Variants in CCNY observed in about 807,000 individuals in gnomAD.
The protein encoded by CCNY is cyclin-Y.
A neutral mutation model predicts 42.8 loss-of-function variants in CCNY; 19 were observed. The ratio of observed to expected loss-of-function variants is 0.44; its 90% confidence interval spans 0.31 to 0.65. The LOEUF is 0.65. CCNY is among the 30% of genes least tolerant of loss of function. CCNY has a pLI of 0.07. For missense variants in CCNY, 370 were observed against 437.3 expected (o/e 0.85, Z 1.37); for synonymous variants, 165 against 162.7 (o/e 1.01, Z -0.11).
intron 1 of CCNY, among the ~76,000 whole-genome samples, chr10:35,480,373 G>A (rs764826513): frequency 6.6e-6 from 1 of 152,106 alleles, no homozygotes; most frequent in Non-Finnish European, 1.5e-5. Context: ...TGGTCATTCC[G>A]CCTTTCCTCG....
intron 4 of CCNY, among the ~76,000 whole-genome samples, chr10:35,520,354 G>C (rs1840522565): frequency 6.6e-6 from 1 of 152,122 alleles, no homozygotes; most frequent in Non-Finnish European, 1.5e-5. Context: ...CCCTACTCCT[G>C]TCCAAAGAAA....
chr10:35,423,961 G>A (rs1230007547), intron 1 of CCNY, among the ~76,000 whole-genome samples: 1 of 152,150 alleles, frequency 6.6e-6, no homozygotes, highest in Non-Finnish European at 1.5e-5. Flanking sequence ...CTGAGGCTGG[G>A]GTTGGGAGAG....
chr10:35,316,611 T>A (rs1479350874), intron 3 of CCNY, among the ~76,000 whole-genome samples: 1 of 152,214 alleles, frequency 6.6e-6, no homozygotes, highest in Non-Finnish European at 1.5e-5. Flanking sequence ...TAATTTTAAC[T>A]GTTTATGTTT....
chr10:35,393,070 G>T (rs1837448635), intron 1 of CCNY, among the ~76,000 whole-genome samples: 1 of 152,026 alleles, frequency 6.6e-6, no homozygotes, highest in African/African-American at 2.4e-5. Context: ...CTGCGCATTG[G>T]TGCTAAGTCC....
intron 7 of CCNY, among the ~76,000 whole-genome samples, chr10:35,534,153 C>G (rs2135427747): frequency 6.6e-6 from 1 of 152,240 alleles, no homozygotes; most frequent in Middle Eastern, 3.4e-3. Context: ...TTCTGAGTAG[C>G]TGGGATTACA....
intron 4 of CCNY, 111 bp from the exon 5 acceptor site, chr10:35,525,853 T>TTAA: frequency 1.1e-6 from 1 of 909,354 alleles, no homozygotes; most frequent in Non-Finnish European, 1.7e-6. Context: ...TTCAGAAAGA[T>TTAA]TGTTAGACTT....
chr10:35,455,914 G>A (rs996565543), intron 1 of CCNY, among the ~76,000 whole-genome samples: 6 of 151,192 alleles, frequency 4.0e-5, no homozygotes, highest in Middle Eastern at 3.5e-3. Context: ...AAAATCCTGG[G>A]CTCAAGCAGT....
At chr10:35,550,256 C>T (rs1225783031) in intron 7 of CCNY, among the ~76,000 whole-genome samples, 8 of 151,232 alleles carry the variant, frequency 5.3e-5, no homozygotes, top group Admixed American at 5.3e-4. Context: ...GTTCATGACC[C>T]TGTGCTGCTC....
chr10:35,318,255 T>G (rs147513404), intron 3 of CCNY, among the ~76,000 whole-genome samples: 31 of 151,862 alleles, frequency 2.0e-4, no homozygotes, highest in African/African-American at 7.5e-4. Flanking sequence ...AATAAATAAA[T>G]AAGATTAAAT....
At chr10:35,307,369 C>T (rs1391151891) in intron 3 of CCNY, among the ~76,000 whole-genome samples, 3 of 152,256 alleles carry the variant, frequency 2.0e-5, no homozygotes, top group South Asian at 2.1e-4. Flanking sequence ...CGCATAAACG[C>T]CATGGAGTTT....
At chr10:35,280,466 GGAAGGAAGGAAA>G (rs754852245) in intron 3 of CCNY, among the ~76,000 whole-genome samples, 74 of 138,816 alleles carry the variant, frequency 5.3e-4, no homozygotes, top group Non-Finnish European at 9.9e-4. Flanking sequence ...AAAGAAGGGA[GGAAGGAAGGAAA>G]GAAGGAAGGA....
intron 3 of CCNY, among the ~76,000 whole-genome samples, chr10:35,257,747 C>T (rs1041097306): frequency 3.3e-5 from 5 of 152,164 alleles, no homozygotes; most frequent in South Asian, 2.1e-4. Context: ...TGGAGTTTAT[C>T]GAGCTTCTTG....
intron 7 of CCNY, among the ~76,000 whole-genome samples, chr10:35,541,422 G>A (rs1471080773): frequency 6.6e-6 from 1 of 152,078 alleles, no homozygotes; most frequent in African/African-American, 2.4e-5. Flanking sequence ...TTTTGCGACG[G>A]ATCTCATTCT....
At chr10:35,473,240 C>T (rs1246315992) in intron 1 of CCNY, among the ~76,000 whole-genome samples, 3 of 152,230 alleles carry the variant, frequency 2.0e-5, no homozygotes, top group Non-Finnish European at 2.9e-5. Flanking sequence ...TCCCGGAGGC[C>T]GGCCACATGC....
intron 3 of CCNY, among the ~76,000 whole-genome samples, chr10:35,272,400 G>A (rs112457967): frequency 0.042 from 6,425 of 151,992 alleles, 432 homozygotes; most frequent in African/African-American, 0.14. Flanking sequence ...CCAGATATTA[G>A]GCCTAGCGGC....
At chr10:35,501,636 G>A in intron 3 of CCNY, 101 bp downstream of exon 3, 1 of 1,018,686 alleles carries the variant, frequency 9.8e-7, no homozygotes, top group Non-Finnish European at 1.6e-6. Context: ...GTGCTTTGTA[G>A]ATACTTGGAA....
intron 1 of CCNY, among the ~76,000 whole-genome samples, chr10:35,480,015 G>A (rs2504363): frequency 0.99 from 150,804 of 151,842 alleles, 74,898 homozygotes; most frequent in Middle Eastern, 1. Context: ...TGTTCCCCAA[G>A]GAGGTAGAGT....
chr10:35,269,630 TGTTTTG>T (rs2095729174), intron 3 of CCNY, among the ~76,000 whole-genome samples: 6 of 138,182 alleles, frequency 4.3e-5, no homozygotes, highest in Admixed American at 7.1e-5. Flanking sequence ...TTTTTTTTTT[TGTTTTG>T]TTTTTTTTTT....
At chr10:35,487,225 G>A (rs892380569) in intron 2 of CCNY, among the ~76,000 whole-genome samples, 7 of 152,128 alleles carry the variant, frequency 4.6e-5, no homozygotes, top group African/African-American at 1.4e-4. Context: ...AAGAAATATA[G>A]TCTGAGACAG....
Sources: allele counts gnomAD v4.1 joint callset (sites outside exome capture counted in the v4.1 genomes callset), GRCh38; gene constraint gnomAD v4.1.1; transcripts MANE v1.5; gene names NCBI Gene and HGNC (gene_info 2026-07-23, HGNC 2026-07-21).